Variants in RIMS1 observed in about 807,000 individuals in gnomAD.
The protein encoded by RIMS1 is regulating synaptic membrane exocytosis protein 1.
In RIMS1, 83 loss-of-function variants were observed where a neutral mutation model predicts 214.1. The ratio of observed to expected loss-of-function variants is 0.39; its 90% CI spans 0.32 to 0.47. The LOEUF (loss-of-function observed/expected upper bound fraction) is 0.47. Ranked by LOEUF, RIMS1 falls within the 20% of genes least tolerant of loss-of-function variation. RIMS1 has a pLI of 0.99. For missense variants in RIMS1, 2,050 were observed against 2,161.8 expected (o/e 0.95, Z 1.03); for synonymous variants, 793 against 786.8 (o/e 1.01, Z -0.13).
chr6:72,321,989 A>G (rs867816162), intron 28 of RIMS1, among the ~76,000 whole-genome samples: 6 of 152,278 alleles, frequency 3.9e-5, no homozygotes, highest in Middle Eastern at 3.4e-3. Flanking sequence ...TAAAAACTCC[A>G]TCTAACATGA....
intron 2 of RIMS1, among the ~76,000 whole-genome samples, chr6:72,000,434 T>A (rs891999527): frequency 3.3e-5 from 5 of 152,218 alleles, no homozygotes; most frequent in African/African-American, 1.2e-4. Context: ...CCTCTGAGAC[T>A]TAGTGTAATG....
chr6:72,057,018 G>C (rs1202975610), intron 2 of RIMS1, among the ~76,000 whole-genome samples: 1 of 152,122 alleles, frequency 6.6e-6, no homozygotes, highest in East Asian at 1.9e-4. Context: ...GAGCCTATCA[G>C]AGGGTGGAGG....
intron 1 of RIMS1, among the ~76,000 whole-genome samples, chr6:71,924,532 G>A (rs984878713): frequency 2.6e-5 from 4 of 150,976 alleles, no homozygotes; most frequent in African/African-American, 7.3e-5. Context: ...GGTGGCTCAC[G>A]CTTGTAATCC....
At chr6:72,149,252 C>T (rs767830599) in intron 4 of RIMS1, among the ~76,000 whole-genome samples, 2 of 152,162 alleles carry the variant, frequency 1.3e-5, no homozygotes, top group Admixed American at 6.5e-5. Flanking sequence ...GTGTAGTTTG[C>T]AACAGCACCT....
At chr6:72,102,380 C>A (rs955694346) in intron 4 of RIMS1, among the ~76,000 whole-genome samples, 5 of 151,872 alleles carry the variant, frequency 3.3e-5, no homozygotes, top group Non-Finnish European at 4.4e-5. Flanking sequence ...AAAAACAGAA[C>A]CTTACTATTT....
At chr6:71,937,386 G>C (rs1784763328) in intron 1 of RIMS1, among the ~76,000 whole-genome samples, 1 of 152,074 alleles carries the variant, frequency 6.6e-6, no homozygotes. Flanking sequence ...TTAGAATCCT[G>C]AGTAACTGAA....
chr6:71,906,334 C>G (rs1046471144), intron 1 of RIMS1, among the ~76,000 whole-genome samples: 5 of 152,130 alleles, frequency 3.3e-5, no homozygotes, highest in Non-Finnish European at 7.4e-5. Context: ...AGCACAGTGT[C>G]ATAATCAACA....
At chr6:72,349,095 A>C (rs190535610) in intron 29 of RIMS1, among the ~76,000 whole-genome samples, 27 of 152,092 alleles carry the variant, frequency 1.8e-4, no homozygotes, top group Non-Finnish European at 3.4e-4. Flanking sequence ...CTGATATTGA[A>C]GCAGTACATT....
chr6:72,288,658 C>A (rs755596474), intron 24 of RIMS1, among the ~76,000 whole-genome samples: 1 of 152,164 alleles, frequency 6.6e-6, no homozygotes, highest in African/African-American at 2.4e-5. Flanking sequence ...ACAAACTATA[C>A]TTGGTTCTAT....
intron 2 of RIMS1, among the ~76,000 whole-genome samples, chr6:72,067,180 C>T (rs1015586958): frequency 2.2e-4 from 34 of 152,242 alleles, no homozygotes; most frequent in African/African-American, 7.9e-4. Context: ...ATGTCTCTCC[C>T]CTGATTAAAA....
At chr6:72,274,877 T>G (rs559481113) in intron 23 of RIMS1, among the ~76,000 whole-genome samples, 10 of 152,044 alleles carry the variant, frequency 6.6e-5, no homozygotes, top group African/African-American at 1.9e-4. Flanking sequence ...AGGCTTTGAT[T>G]ATATTAAATA....
chr6:72,235,908 T>C (rs2063830761), intron 8 of RIMS1, among the ~76,000 whole-genome samples, 180 bp downstream of exon 8: 1 of 138,714 alleles, frequency 7.2e-6, no homozygotes, highest in African/African-American at 2.7e-5. Flanking sequence ...GTATTCTGAC[T>C]ATAAAGTTCA....
chr6:72,070,459 T>C (rs987297400), intron 2 of RIMS1, among the ~76,000 whole-genome samples: 1 of 152,118 alleles, frequency 6.6e-6, no homozygotes, highest in Non-Finnish European at 1.5e-5. Flanking sequence ...TATGATGAAG[T>C]CTATTAGGGC....
At chr6:72,064,786 G>C (rs1255380941) in intron 2 of RIMS1, among the ~76,000 whole-genome samples, 1 of 152,212 alleles carries the variant, frequency 6.6e-6, no homozygotes, top group Admixed American at 6.5e-5. Context: ...GGAGTCTCTT[G>C]TATAAATACA....
intron 2 of RIMS1, among the ~76,000 whole-genome samples, chr6:72,078,444 T>C (rs1304981732): frequency 6.6e-6 from 1 of 152,116 alleles, no homozygotes; most frequent in East Asian, 1.9e-4. Context: ...ATTATCTTCC[T>C]TGCAAGTTCC....
intron 6 of RIMS1, among the ~76,000 whole-genome samples, chr6:72,192,873 T>C (rs1298430322): frequency 2.0e-5 from 3 of 152,164 alleles, no homozygotes; most frequent in African/African-American, 4.8e-5. Context: ...CCCACTCAGA[T>C]TGAGGGTGGT....
Position 72,096,972 on chromosome 6 carries a change from G to A in RIMS1, c.269G>A (p.Ser90Asn). The A allele has an allele frequency of 1.2e-6, 2 of 1,613,630 alleles. No homozygotes were observed. Among genetic ancestry groups the A allele is most frequent in the Non-Finnish European group, 1.7e-6 (2 of 1,179,720 alleles). ...AGGAGATTGCATCAACAGTTTGAAA[G>A]CTATAAGGAACAAGTGAGAAAAATA... Reference protein sequence around the residue: ...PSPRLHQQFESYKEQVRKIGE... With the variant: ...PSPRLHQQFENYKEQVRKIGE... Residue 90 changes from serine to asparagine, a missense_variant, in exon 3 of 34, where the codon AGC (serine) becomes AAC (asparagine). Around this residue, in one of 6 missense-constraint regions of RIMS1, gnomAD observed 882 missense variants for 828.9 expected, o/e 1.06. Coordinates refer to ENST00000521978, the MANE Select transcript of RIMS1 (RefSeq NM_014989.7).
rs865816445 is a variant in RIMS1 at position 72,035,149 on chromosome 6, A to T, written c.246-61800A>T. Among the ~76,000 whole-genome samples, 6 of 152,284 alleles carry T rather than the reference A, an allele frequency of 3.9e-5. No individual in the cohort carries two copies. In the Middle Eastern group the frequency reaches 0.01, roughly 259 times the overall value. ...AAAAGGGATTATGGTAATGATAGCT[A>T]CATCAAAGGCTGTAGTAAGAATTTA... On this transcript the variant is annotated intron_variant, in intron 2 of 33. Transcript: ENST00000521978.
At chr6:72,003,692 A>T (rs1584618706) in intron 2 of RIMS1, among the ~76,000 whole-genome samples, 2 of 151,884 alleles carry the variant, frequency 1.3e-5, no homozygotes, top group African/African-American at 4.8e-5. Context: ...TCCCTGCTAT[A>T]TGACTGTGTC....
Sources: allele counts gnomAD v4.1 joint callset (sites outside exome capture counted in the v4.1 genomes callset), GRCh38; gene constraint gnomAD v4.1.1; regional missense constraint gnomAD v4.1.1; transcripts MANE v1.5; gene names NCBI Gene and HGNC (gene_info 2026-07-23, HGNC 2026-07-21).